Variants in CELF2 observed in about 807,000 individuals in gnomAD.
CELF2 encodes CUG triplet repeat RNA-binding protein 2.
CELF2 carries 8 observed loss-of-function variants against 62.6 expected under a neutral mutation model. That is an observed-to-expected ratio of 0.13 (90% CI 0.07 to 0.23). CELF2 has a LOEUF of 0.23. Among genes scored for constraint, CELF2 ranks in the 10% least tolerant of loss-of-function variants. The pLI, the probability that CELF2 is intolerant of heterozygous loss-of-function variation, is 1.00. For missense variants in CELF2, 333 were observed against 671.0 expected (o/e 0.50, Z 5.56); for synonymous variants, 258 against 250.0 (o/e 1.03, Z -0.30).
At chr10:11,240,145 A>G (rs1380108000) in intron 3 of CELF2, among the ~76,000 whole-genome samples, 1 of 152,268 alleles carries the variant, frequency 6.6e-6, no homozygotes, top group African/African-American at 2.4e-5. Context: ...GGTAAATGCC[A>G]TATATTCTGC....
the CELF2 span, among the ~76,000 whole-genome samples, chr10:10,682,902 G>T: frequency 6.6e-6 from 1 of 152,236 alleles, no homozygotes; most frequent in South Asian, 2.1e-4. Flanking sequence ...CTATGGGTCT[G>T]TTTTGAGAAT....
intron 1 of CELF2, among the ~76,000 whole-genome samples, chr10:10,811,158 T>C (rs1590661790): frequency 6.6e-6 from 1 of 152,294 alleles, no homozygotes; most frequent in Admixed American, 6.5e-5. Context: ...TGTTCAAGGA[T>C]CTCATGGCAG....
In CELF2 at chr10:10,862,381, C is replaced by T. The variant is rs78718355; in HGVS notation, c.54-57583C>T. Among the ~76,000 whole-genome samples, 1,071 of 152,266 alleles carry T rather than the reference C, an allele frequency of 7.0e-3. 20 individuals carry two copies. The highest frequency in any genetic ancestry group is 0.032 in the Admixed American group (494 of 15,286). On this transcript the variant is annotated intron_variant, in intron 1 of 13. Transcript: ENST00000636488. ...TGGGGTGTGTATTCAGTTTGGCTCA[C>T]TCGCCTGGTTGGTGGTTGATGCTGG...
chr10:11,128,859 T>C (rs2059159581), intron 1 of CELF2, among the ~76,000 whole-genome samples: 1 of 152,198 alleles, frequency 6.6e-6, no homozygotes, highest in African/African-American at 2.4e-5. Flanking sequence ...CCTAATTGAA[T>C]ACCCTTTATT....
chr10:11,275,285 T>C lies in CELF2; in HGVS notation c.841+165T>C, dbSNP rs2085601812. Among the ~76,000 whole-genome samples the C allele has an allele frequency of 2.0e-5, 3 of 151,202 alleles. No homozygotes were observed. In the South Asian group the frequency reaches 6.3e-4, roughly 32 times the overall value. On this transcript the variant is annotated intron_variant, in intron 8 of 12. Transcript: ENST00000633077. ...CGTTGGAACCGCCTGCTCTGAAGTG[T>C]CTCTGTTATTTCTTAGGTTACCTAC...
chr10:11,137,146 T>C (rs986779832), intron 1 of CELF2, among the ~76,000 whole-genome samples: 1 of 152,178 alleles, frequency 6.6e-6, no homozygotes, highest in Admixed American at 6.5e-5. Flanking sequence ...CAATGTGATA[T>C]CAGAATAAAG....
the CELF2 span, among the ~76,000 whole-genome samples, chr10:10,724,170 C>CA: frequency 6.6e-6 from 1 of 152,020 alleles, no homozygotes; most frequent in Admixed American, 6.5e-5. Context: ...AAGTGAAAAC[C>CA]AAAAAAATTA....
the CELF2 span, among the ~76,000 whole-genome samples, chr10:10,710,156 G>C: frequency 6.6e-6 from 1 of 152,196 alleles, no homozygotes. Context: ...TGGCTCTAAA[G>C]GAATGCTTTA....
rs17136767 is a variant in CELF2, at chr10:11,249,549, G to A, written c.403+348G>A. On this transcript the variant is annotated intron_variant, in intron 4 of 12. Transcript: ENST00000633077. ...GACATCTCATGGGGATCCAGAGGAC[G>A]TCTGCAGGAAAGGAATTGCCCATGA... is the stretch of plus-strand genomic sequence containing the variant. Among the ~76,000 whole-genome samples, 1,353 of 152,202 alleles carry A rather than the reference G, an allele frequency of 8.9e-3. 24 individuals are homozygous for A. The highest frequency in any genetic ancestry group is 0.031 in the African/African-American group (1,281 of 41,504).
chr10:11,100,909 A>G (rs1262096944), intron 1 of CELF2, among the ~76,000 whole-genome samples: 2 of 152,214 alleles, frequency 1.3e-5, no homozygotes, highest in Non-Finnish European at 2.9e-5. Context: ...CAAAATCCGC[A>G]TTAGGATGCA....
intron 1 of CELF2, among the ~76,000 whole-genome samples, chr10:11,139,124 A>G (rs892872502): frequency 6.6e-6 from 1 of 152,224 alleles, no homozygotes; most frequent in Non-Finnish European, 1.5e-5. Flanking sequence ...GCCGCCCTGT[A>G]TAAAGAATAT....
intron 1 of CELF2, among the ~76,000 whole-genome samples, chr10:11,027,106 GT>G (rs531546860): frequency 5.9e-4 from 90 of 152,254 alleles, no homozygotes; most frequent in South Asian, 1.0e-3. Flanking sequence ...GACTCCCATT[GT>G]CCAGCCAGCC....
At chr10:10,989,528 C>G (rs1050037078) in intron 2 of CELF2, among the ~76,000 whole-genome samples, 1 of 151,930 alleles carries the variant, frequency 6.6e-6, no homozygotes. Context: ...TGTATCTTCA[C>G]CTTACACCAT....
At chr10:11,140,388 G>C (rs150361030) in intron 1 of CELF2, among the ~76,000 whole-genome samples, 1 of 151,914 alleles carries the variant, frequency 6.6e-6, no homozygotes, top group Non-Finnish European at 1.5e-5. Flanking sequence ...TTACAGGAGT[G>C]AGTCACCATG....
At chr10:11,131,377 G>T (rs917643635) in intron 1 of CELF2, among the ~76,000 whole-genome samples, 1 of 152,208 alleles carries the variant, frequency 6.6e-6, no homozygotes, top group African/African-American at 2.4e-5. Flanking sequence ...GTTTCTGTAG[G>T]ACTTCCGCCC....
At chr10:10,605,751 T>C in the CELF2 span, among the ~76,000 whole-genome samples, 1 of 152,120 alleles carries the variant, frequency 6.6e-6, no homozygotes, top group Non-Finnish European at 1.5e-5. Context: ...CAACAGAGGG[T>C]CACATCCATC....
the CELF2 span, among the ~76,000 whole-genome samples, chr10:10,644,402 CGTGTGT>C: frequency 4.4e-3 from 655 of 149,968 alleles, 6 homozygotes; most frequent in African/African-American, 0.015. Context: ...AGTGTGTGTT[CGTGTGT>C]GTGTGTGTGT....
At chr10:10,984,148 C>T (rs2052463489) in intron 2 of CELF2, among the ~76,000 whole-genome samples, 1 of 152,110 alleles carries the variant, frequency 6.6e-6, no homozygotes, top group Admixed American at 6.6e-5. Flanking sequence ...ATGCGTTATC[C>T]CCACTTCACA....
the CELF2 span, among the ~76,000 whole-genome samples, chr10:10,529,016 A>G: frequency 6.6e-6 from 1 of 152,190 alleles, no homozygotes; most frequent in African/African-American, 2.4e-5. Context: ...AGAGTGTCTT[A>G]TCAGCCTGAG....
Sources: allele counts gnomAD v4.1 joint callset (sites outside exome capture counted in the v4.1 genomes callset), GRCh38; gene constraint gnomAD v4.1.1; transcripts MANE v1.5; gene names NCBI Gene and HGNC (gene_info 2026-07-23, HGNC 2026-07-21).